Variants in ARHGEF37 observed in about 807,000 individuals in gnomAD.
ARHGEF37 encodes Rho guanine nucleotide exchange factor 37.
In ARHGEF37, 55 loss-of-function variants were observed where a neutral mutation model predicts 71.1. The observed-to-expected ratio is 0.77, with a 90% CI of 0.62 to 0.97. ARHGEF37 has a LOEUF of 0.97. Among genes scored for constraint, ARHGEF37 ranks in the 50% least tolerant of loss-of-function variants. The pLI is 0.00. For missense variants in ARHGEF37, 765 were observed against 836.8 expected, an observed-to-expected ratio of 0.91 and a Z score of 1.06; for synonymous variants, 327 against 350.6, an observed-to-expected ratio of 0.93 and a Z score of 0.75.
At chr5:149,590,801 G>A (rs559234421) in intron 1 of ARHGEF37, among the ~76,000 whole-genome samples, 6 of 152,076 alleles carry the variant, frequency 3.9e-5, no homozygotes, top group Non-Finnish European at 8.8e-5. Flanking sequence ...GTTTCACCAC[G>A]TTGCCCACTG....
At chr5:149,619,164 C>A in intron 7 of ARHGEF37, 122 bp downstream of exon 7, 1 of 743,098 alleles carries the variant, frequency 1.3e-6, no homozygotes, top group Non-Finnish European at 2.4e-6. Context: ...CAGATGAGGT[C>A]ATCCTGTCTC....
At chr5:149,599,106 C>T (rs1289911667) in intron 2 of ARHGEF37, among the ~76,000 whole-genome samples, 1 of 152,304 alleles carries the variant, frequency 6.6e-6, no homozygotes, top group African/African-American at 2.4e-5. Flanking sequence ...GAAACGTGAG[C>T]TGTACCTGAT....
intron 2 of ARHGEF37, among the ~76,000 whole-genome samples, chr5:149,600,251 GTTA>G (rs955652798): frequency 3.8e-4 from 58 of 152,318 alleles, no homozygotes; most frequent in African/African-American, 1.3e-3. Flanking sequence ...TGATTAAAAT[GTTA>G]TTATGCAGTG....
intron 12 of ARHGEF37, among the ~76,000 whole-genome samples, chr5:149,631,534 G>A (rs1404373938): frequency 6.6e-6 from 1 of 152,144 alleles, no homozygotes; most frequent in Admixed American, 6.5e-5. Flanking sequence ...ACTTTCAGCT[G>A]GGAAACTGGC....
At chr5:149,602,010 G>A (rs1763770634) in intron 3 of ARHGEF37, among the ~76,000 whole-genome samples, 1 of 151,904 alleles carries the variant, frequency 6.6e-6, no homozygotes. Flanking sequence ...CCACTGGACA[G>A]TTTTGAGTGG....
upstream of ARHGEF37, chr5:149,551,651 G>C (rs567381674): frequency 6.6e-6 from 1 of 152,464 alleles, no homozygotes; most frequent in Non-Finnish European, 1.5e-5. Context: ...GGCTCAGCAG[G>C]TGTTACCTGT....
rs181183324 is a variant in ARHGEF37 at position 149,612,206 on chromosome 5, C to T, written c.458+2511C>T. The stretch of plus-strand genomic sequence containing the variant: ...TTTTTGAGATGGAGTCTCGCTCTGT[C>T]GCCCAGGCTGGAGTGCAGTGGCGCG... On this transcript the variant is annotated intron_variant, in intron 4 of 12. Transcript: ENST00000333677. Among the ~76,000 whole-genome samples, 83 of 152,178 alleles carry T rather than the reference C, an allele frequency of 5.5e-4. 1 individual carries two copies. The highest frequency in any genetic ancestry group is 1.3e-3 in the African/African-American group (55 of 41,550).
intron 3 of ARHGEF37, among the ~76,000 whole-genome samples, chr5:149,605,789 A>C (rs1301627017): frequency 6.6e-6 from 1 of 152,176 alleles, no homozygotes; most frequent in Non-Finnish European, 1.5e-5. Context: ...AGGCTCAGAG[A>C]GGCTAAGTAA....
At chr5:149,590,631 C>T (rs1187618327) in intron 1 of ARHGEF37, among the ~76,000 whole-genome samples, 1 of 150,138 alleles carries the variant, frequency 6.7e-6, no homozygotes, top group African/African-American at 2.5e-5. Context: ...ACTCTTCTTG[C>T]CCAGGCTGGA....
chr5:149,625,449 C>T (rs1026204184), intron 10 of ARHGEF37, among the ~76,000 whole-genome samples: 48 of 152,078 alleles, frequency 3.2e-4, no homozygotes, highest in African/African-American at 1.1e-3. Context: ...GAGAATGGGG[C>T]CCCAGGGACA....
Position 149,616,751 on chromosome 5 carries a change from A to C in ARHGEF37, c.643A>C (p.Met215Leu). ...DVNTNINEYK[M>L]RKEVASKYTK... ...GAACACCAATATCAATGAGTACAAG[A>C]TGCGCAAGGAAGTGGGTAAGGACTT... The change falls in exon 5 of 13, where the codon ATG becomes CTG. Residue 215 changes from methionine to leucine, a missense_variant. Coordinates refer to ENST00000333677, the MANE Select transcript of ARHGEF37 (RefSeq NM_001001669.3). The C allele has an allele frequency of 6.2e-7, 1 of 1,604,632 alleles. No homozygotes were observed. Among genetic ancestry groups the C allele is most frequent in the South Asian group, 1.1e-5 (1 of 90,634 alleles).
chr5:149,609,483 C>T, intron 3 of ARHGEF37, 65 bp from the exon 4 acceptor site: 1 of 1,580,176 alleles, frequency 6.3e-7, no homozygotes, highest in Non-Finnish European at 8.7e-7. Flanking sequence ...TACTGCCTCC[C>T]TGTTCCAAGC....
chr5:149,622,144 C>T (rs1752566299), intron 9 of ARHGEF37, 82 bp downstream of exon 9: 2 of 1,378,628 alleles, frequency 1.5e-6, no homozygotes, highest in African/African-American at 3.0e-5. Context: ...TGTGTAGGGG[C>T]TAGGATGGAG....
intron 1 of ARHGEF37, among the ~76,000 whole-genome samples, chr5:149,587,302 G>A (rs1763266599): frequency 2.6e-5 from 4 of 152,034 alleles, no homozygotes; most frequent in Middle Eastern, 3.2e-3. Context: ...TATGCATCTA[G>A]ATCGGCCATG....
intron 2 of ARHGEF37, among the ~76,000 whole-genome samples, chr5:149,598,502 CT>C (rs1278993918): frequency 6.7e-6 from 1 of 149,808 alleles, no homozygotes; most frequent in East Asian, 2.0e-4. Flanking sequence ...TCCTCTTCTT[CT>C]TTTTTTCCTG....
chr5:149,609,795 C>T (rs17654288), intron 4 of ARHGEF37, 100 bp downstream of exon 4: 109,429 of 1,504,314 alleles, frequency 0.073, 4,632 homozygotes, highest in African/African-American at 0.17. Flanking sequence ...TGCTGCTTCA[C>T]GAGTGTTGCT....
intron 2 of ARHGEF37, among the ~76,000 whole-genome samples, chr5:149,600,597 A>C (rs138691570): frequency 1.8e-3 from 274 of 152,204 alleles, no homozygotes; most frequent in Non-Finnish European, 3.0e-3. Context: ...TTCCCCACTG[A>C]GTACTCCGTC....
At chr5:149,554,093 G>C (rs1206401245) in intron 1 of ARHGEF37, among the ~76,000 whole-genome samples, 1 of 152,184 alleles carries the variant, frequency 6.6e-6, no homozygotes, top group Non-Finnish European at 1.5e-5. Flanking sequence ...GCTTGAACTG[G>C]GGAGGTAGAG....
chr5:149,627,170 C>A lies in ARHGEF37; in HGVS notation c.1559C>A (p.Thr520Asn), dbSNP rs770543054. The A allele has an allele frequency of 6.2e-7, 1 of 1,614,170 alleles. No individual in the cohort carries two copies. The highest frequency in any genetic ancestry group is 1.7e-5 in the Admixed American group (1 of 60,036). Residue 520 changes from threonine to asparagine, a missense_variant, in exon 11 of 13, where the codon ACT (threonine) becomes AAT (asparagine). Coordinates refer to ENST00000333677, the MANE Select transcript of ARHGEF37 (RefSeq NM_001001669.3). Reference protein sequence around the residue: ...LYQVTSNISGTGTLDLTLPRG... With the variant: ...LYQVTSNISGNGTLDLTLPRG... ...CAGGTGACAAGCAACATCAGTGGGA[C>A]TGGGACTCTGGACCTGACTCTGCCT...
Sources: gnomAD v4.1 joint callset for allele counts (sites outside exome capture counted in the v4.1 genomes callset) on GRCh38, gnomAD v4.1.1 for gene constraint, MANE v1.5 for transcripts, NCBI Gene and HGNC (gene_info 2026-07-23, HGNC 2026-07-21) for gene names.